The following INO80D variants were observed in gnomAD, a reference collection of about 807,000 sequenced individuals.
The protein encoded by INO80D is INO80 complex subunit D.
A neutral mutation model predicts 87.6 loss-of-function variants in INO80D; 21 were observed. The ratio of observed to expected loss-of-function variants is 0.24; its 90% CI spans 0.17 to 0.35. INO80D has a LOEUF of 0.35. INO80D is among the 10% of genes least tolerant of loss of function. The pLI, the probability that INO80D is intolerant of heterozygous loss-of-function variation, is 1.00. For missense variants in INO80D, 982 were observed against 1,280.7 expected (o/e 0.77, Z 3.56); for synonymous variants, 440 against 491.0 (o/e 0.90, Z 1.37).
intron 1 of INO80D, among the ~76,000 whole-genome samples, chr2:206,074,441 C>T (rs1690056444): frequency 6.6e-6 from 1 of 152,062 alleles, no homozygotes; most frequent in Non-Finnish European, 1.5e-5. Context: ...TGTTGAAACC[C>T]CGTCTCTACA....
intron 1 of INO80D, among the ~76,000 whole-genome samples, chr2:206,067,543 G>C (rs1337245863): frequency 2.0e-5 from 3 of 152,002 alleles, no homozygotes; most frequent in Admixed American, 6.6e-5. Context: ...TACATTATAT[G>C]AATCAAAACA....
chr2:206,062,313 T>C lies in INO80D; in HGVS notation c.218+486A>G, dbSNP rs1190842309. ...TAAAATTTTCTTCAGTAAGTATATA[T>C]CCTTTACTAACTTCTAGGCATAGAT... On this transcript the variant is annotated intron_variant, in intron 3 of 10. Transcript: ENST00000403263. This position sits in a 1 kb window ranked among gnomAD's most constrained non-coding sequence, Gnocchi z 4.6. Among the ~76,000 whole-genome samples the C allele has an allele frequency of 6.6e-6, 1 of 152,192 alleles. No homozygotes were observed. Among genetic ancestry groups the C allele is most frequent in the African/African-American group, 2.4e-5 (1 of 41,468 alleles).
chr2:205,998,273 A>C lies in INO80D; in HGVS notation c.*6095T>G, dbSNP rs1011299709. ...AAGTGTAAACCACAGATCATTTACT[A>C]AAGAACATGATTCTCAACAGTTCTA... On this transcript the variant is annotated 3_prime_UTR_variant, in exon 11 of 11. Coordinates refer to ENST00000403263, the MANE Select transcript of INO80D (RefSeq NM_017759.5). The C allele has an allele frequency of 3.0e-4, 46 of 152,158 alleles. No individual in the cohort carries two copies. The highest frequency in any genetic ancestry group is 1.0e-3 in the African/African-American group (43 of 41,444). 9.4% of individuals were successfully genotyped at this position (152,158 alleles called of 1,614,324 possible).
At chr2:206,021,490 A>G (rs1425111116) in intron 6 of INO80D, among the ~76,000 whole-genome samples, 4 of 152,220 alleles carry the variant, frequency 2.6e-5, no homozygotes, top group Admixed American at 6.5e-5. Context: ...AATTGTTTAC[A>G]TTAAATTTAG....
chr2:206,082,061 C>A (rs554991238), intron 1 of INO80D, among the ~76,000 whole-genome samples: 3 of 152,180 alleles, frequency 2.0e-5, no homozygotes, highest in Non-Finnish European at 4.4e-5. Flanking sequence ...GCTCTGGTTG[C>A]CCAGGCTGGA....
chr2:206,040,032 C>A (rs900467038), intron 5 of INO80D, among the ~76,000 whole-genome samples: 3 of 151,834 alleles, frequency 2.0e-5, no homozygotes, highest in Non-Finnish European at 4.4e-5. Flanking sequence ...GTGACTCACA[C>A]CTGTAATCCC....
Position 206,062,681 on chromosome 2 carries a change from G to A in INO80D, c.218+118C>T. 1.2e-6 allele frequency: 1 copy of A among 800,290 alleles called. No individual in the cohort carries two copies. The allele number at this position is 800,290 out of a possible 1,614,324, so 49.6% of individuals were successfully genotyped here. ...CCCAGAATTCAACATTTATATAGGTGGAGGAAGGGAGGGAGGGAGAAATGA... is the reference window on the plus strand; with the variant it reads ...CCCAGAATTCAACATTTATATAGGTAGAGGAAGGGAGGGAGGGAGAAATGA... On this transcript the variant is annotated intron_variant, in intron 3 of 10. Transcript: ENST00000403263. The surrounding 1 kb of genome is among the most constrained non-coding windows in gnomAD (Gnocchi z 4.6).
Position 206,004,326 on chromosome 2 carries a change from A to G in INO80D, c.*42T>C. On this transcript the variant is annotated 3_prime_UTR_variant, in exon 11 of 11. Transcript: ENST00000403263. The surrounding 1 kb of genome is among the most constrained non-coding windows in gnomAD (Gnocchi z 4.9). Reference sequence around the variant, plus strand: ...GTGCTAAAGAGGAAACAAAGATAGAAAACACTGGGTTCCCCACCTGCCTGC... The same window carrying G: ...GTGCTAAAGAGGAAACAAAGATAGAGAACACTGGGTTCCCCACCTGCCTGC... The G allele has an allele frequency of 6.6e-7, 1 of 1,517,786 alleles. No homozygotes were observed. The highest frequency in any genetic ancestry group is 9.0e-7 in the Non-Finnish European group (1 of 1,116,788). The allele number at this position is 1,517,786 out of a possible 1,614,324, so 94.0% of individuals were successfully genotyped here.
chr2:205,999,801 C>G lies in INO80D; in HGVS notation c.*4567G>C, dbSNP rs930667859. On this transcript the variant is annotated 3_prime_UTR_variant, in exon 11 of 11. Coordinates refer to ENST00000403263, the MANE Select transcript of INO80D (RefSeq NM_017759.5). ...TGGAAAGGTAGTATTTAAAATGTTA[C>G]TTTAATCTACTAAACATGATTCTGG... 3.9e-5 allele frequency: 6 copies of G among 152,052 alleles called. No individual in the cohort carries two copies. Among genetic ancestry groups the G allele is most frequent in the African/African-American group, 1.4e-4 (6 of 41,384 alleles). The allele number at this position is 152,052 out of a possible 1,614,324, so 9.4% of individuals were successfully genotyped here.
intron 4 of INO80D, among the ~76,000 whole-genome samples, chr2:206,052,213 A>C (rs1449041786): frequency 1.3e-5 from 2 of 152,066 alleles, no homozygotes; most frequent in Non-Finnish European, 2.9e-5. Context: ...TTTGAGATGG[A>C]GTCTCACTCT....
rs1341343861 is a variant in INO80D, at chr2:206,085,818, C to T, written c.-124+83G>A. On this transcript the variant is annotated intron_variant, in intron 1 of 10. Transcript: ENST00000403263. The surrounding 1 kb of genome is among the most constrained non-coding windows in gnomAD (Gnocchi z 4.5). ...CCCGGCCTCACGTAAGCGCGCTCGC[C>T]GCCCGCCCAGCCTGCGCGGCCCAGC... 6.6e-6 allele frequency: 1 copy of T among 152,046 alleles called. No individual in the cohort carries two copies. Among genetic ancestry groups the T allele is most frequent in the African/African-American group, 2.4e-5 (1 of 41,396 alleles). The allele number at this position is 152,046 out of a possible 1,614,324, so 9.4% of individuals were successfully genotyped here. A position where few individuals can be genotyped will look rare whatever the true frequency, so the allele number is the denominator to read the frequency against.
chr2:205,995,889 G>A lies in INO80D; in HGVS notation c.*8479C>T, dbSNP rs760649154. 6.6e-6 allele frequency: 1 copy of A among 152,060 alleles called. No individual in the cohort carries two copies. The highest frequency in any genetic ancestry group is 1.5e-5 in the Non-Finnish European group (1 of 67,982). 9.4% of individuals were successfully genotyped at this position (152,060 alleles called of 1,614,324 possible). A position where few individuals can be genotyped will look rare whatever the true frequency, so the allele number is the denominator to read the frequency against. Reference sequence around the variant, plus strand: ...AATGAGTTAGTTACAGAATTCAAGAGGCTAACATGTGACCTTGTATGCTTT... The same window carrying A: ...AATGAGTTAGTTACAGAATTCAAGAAGCTAACATGTGACCTTGTATGCTTT... On this transcript the variant is annotated 3_prime_UTR_variant, in exon 11 of 11. Coordinates refer to ENST00000403263, the MANE Select transcript of INO80D (RefSeq NM_017759.5).
At chr2:206,017,204 C>T (rs35530029) in intron 8 of INO80D, among the ~76,000 whole-genome samples, 28,321 of 152,052 alleles carry the variant, frequency 0.19, 3,286 homozygotes, top group Non-Finnish European at 0.27. Flanking sequence ...ACATAAGGTA[C>T]CTAGGAAAGT....
At chr2:206,052,580 C>T (rs1336696178) in intron 4 of INO80D, among the ~76,000 whole-genome samples, 1 of 151,930 alleles carries the variant, frequency 6.6e-6, no homozygotes, top group African/African-American at 2.4e-5. Flanking sequence ...GAGGCCAAGA[C>T]AGGAGGATCA....
chr2:206,056,409 A>C lies in INO80D; in HGVS notation c.753T>G (p.Thr251=). 6.2e-7 allele frequency: 1 copy of C among 1,613,832 alleles called. No individual in the cohort carries two copies. Among genetic ancestry groups the C allele is most frequent in the Non-Finnish European group, 8.5e-7 (1 of 1,179,854 alleles). ...PMQGVAPTTH[T]IAQARQLSHK... is the part of the protein sequence containing the mutation. ...GAGACAACTGCCGTGCTTGTGCTATAGTGTGTGTGGTGGGTGCCACTCCCT... is the reference window on the plus strand; with the variant it reads ...GAGACAACTGCCGTGCTTGTGCTATCGTGTGTGTGGTGGGTGCCACTCCCT... Residue 251 remains threonine (T), a synonymous_variant, in exon 4 of 11, where the codon ACT becomes ACG. Coordinates refer to ENST00000403263, the MANE Select transcript of INO80D (RefSeq NM_017759.5).
In INO80D at chr2:206,085,245, G is replaced by GCGGC; in HGVS notation, c.-124+655_-124+656insGCCG. Among the ~76,000 whole-genome samples the GCGGC allele has an allele frequency of 6.6e-6, 1 of 151,946 alleles. No homozygotes were observed. The highest frequency in any genetic ancestry group is 1.5e-5 in the Non-Finnish European group (1 of 67,904). ...CTCCACCCGACCCCACGCCCGCCAG[G>GCGGC]CCGCCCGCCCCGCCCCGCCCCGGCC... On this transcript the variant is annotated intron_variant, in intron 1 of 10. Transcript: ENST00000403263. The surrounding 1 kb of genome is among the most constrained non-coding windows in gnomAD (Gnocchi z 4.5).
Position 206,004,707 on chromosome 2 carries a change from G to A in INO80D, c.2745C>T (p.Ser915=). Residue 915 remains serine, a synonymous_variant, in exon 11 of 11, where the codon TCC becomes TCT. Transcript: ENST00000403263. The surrounding 1 kb of genome is among the most constrained non-coding windows in gnomAD (Gnocchi z 4.9). ...TGGTGGGTGGCGTGGATAGGGAAGT[G>A]GAAAGAAGATGTCCATCTGCGCCGA... The part of the protein sequence containing the change: ...NLLGADGHLL[S]TSLSTPPTTS... 6.2e-7 allele frequency: 1 copy of A among 1,613,976 alleles called. No homozygotes were observed. Among genetic ancestry groups the A allele is most frequent in the Non-Finnish European group, 8.5e-7 (1 of 1,179,890 alleles).
chr2:206,016,194 C>A (rs1003958141), intron 8 of INO80D, among the ~76,000 whole-genome samples: 1 of 152,218 alleles, frequency 6.6e-6, no homozygotes, highest in Admixed American at 6.5e-5. Context: ...CAGGGGCAGA[C>A]CTGCCCAAGA....
chr2:206,070,028 C>T (rs1471725975), intron 1 of INO80D, among the ~76,000 whole-genome samples: 1 of 152,198 alleles, frequency 6.6e-6, no homozygotes, highest in Non-Finnish European at 1.5e-5. Context: ...AATCCCAGCA[C>T]TTTGGGAGGC....
Sources: allele counts gnomAD v4.1 joint callset (sites outside exome capture counted in the v4.1 genomes callset), GRCh38; gene constraint gnomAD v4.1.1; non-coding constraint Gnocchi (gnomAD v3.1); transcripts MANE v1.5; gene names NCBI Gene and HGNC (gene_info 2026-07-23, HGNC 2026-07-21).